Variants in RND3 observed in about 807,000 individuals in gnomAD.
RND3 encodes Rho family GTPase 3, also known as rho-related GTP-binding protein RhoE.
Under a neutral mutation model 26.5 loss-of-function variants are expected in RND3, and 8 were observed. The ratio of observed to expected loss-of-function variants is 0.30; its 90% CI spans 0.18 to 0.54. RND3 has a LOEUF of 0.54. RND3 is among the 20% of genes least tolerant of loss of function. RND3 has a pLI of 0.94. For missense variants in RND3, 207 were observed against 302.8 expected (o/e 0.68, Z 2.35); for synonymous variants, 113 against 113.0 (o/e 1.00, Z 0.00).
chr2:150,483,355 G>T (rs769435608), intron 3 of RND3, among the ~76,000 whole-genome samples: 1 of 152,086 alleles, frequency 6.6e-6, no homozygotes, highest in South Asian at 2.1e-4. Flanking sequence ...TGTTCATCCC[G>T]TATCTCTCCC....
intron 3 of RND3, among the ~76,000 whole-genome samples, chr2:150,476,841 C>G (rs746356392): frequency 1.3e-5 from 2 of 152,148 alleles, no homozygotes; most frequent in Non-Finnish European, 2.9e-5. Context: ...GCATCAGAAA[C>G]GAGATGGTTG....
chr2:150,479,509 C>A (rs539776683), intron 3 of RND3, among the ~76,000 whole-genome samples: 1 of 152,164 alleles, frequency 6.6e-6, no homozygotes, highest in African/African-American at 2.4e-5. Context: ...GCTTCCCTTT[C>A]CCCCTTAAGA....
In RND3 at chr2:150,487,512, G is replaced by T. The variant is rs1419788635; in HGVS notation, c.-39+37C>A. The T allele has an allele frequency of 2.0e-5, 6 of 307,308 alleles. No homozygotes were observed. The East Asian group carries it at 4.9e-4, about 25-fold the overall frequency. The allele number at this position is 307,308 out of a possible 1,614,324, so 19.0% of individuals were successfully genotyped here. Reference sequence around the variant, plus strand: ...ATATATATTTCTCTCTTTATAAAAAGCAGATATAAAAATAAATCACAAGGC... The same window carrying T: ...ATATATATTTCTCTCTTTATAAAAATCAGATATAAAAATAAATCACAAGGC... On this transcript the variant is annotated intron_variant, in intron 1 of 5. Coordinates refer to ENST00000263895, the MANE Select transcript of RND3 (RefSeq NM_005168.5).
chr2:150,482,641 G>A (rs953914333), intron 3 of RND3, among the ~76,000 whole-genome samples: 2 of 148,592 alleles, frequency 1.3e-5, no homozygotes, highest in African/African-American at 5.2e-5. Flanking sequence ...TACTTTTGTT[G>A]GGGGGGCTGG....
chr2:150,487,474 A>AAAAAAAAATATATAT lies in RND3; in HGVS notation c.-38-20_-38-19insATATATATTTTTTTT. Reference sequence around the variant, plus strand: ...ATTTTCTCTTAAGAAGAAAAAAAAAAATATATATATATATATATATTTCTC... The same window carrying AAAAAAAAATATATAT: ...ATTTTCTCTTAAGAAGAAAAAAAAAAAAAAAAAATATATATATATATATATATATATATATTTCTC... On this transcript the variant is annotated intron_variant, in intron 1 of 5. Transcript: ENST00000263895. The AAAAAAAAATATATAT allele has an allele frequency of 3.9e-3, 780 of 200,604 alleles. 4 individuals are homozygous for AAAAAAAAATATATAT. The highest frequency in any genetic ancestry group is 5.3e-3 in the Non-Finnish European group (609 of 114,542). 12.4% of individuals were successfully genotyped at this position (200,604 alleles called of 1,614,324 possible).
chr2:150,471,089 A>C (rs532178341), intron 5 of RND3, among the ~76,000 whole-genome samples: 21 of 152,344 alleles, frequency 1.4e-4, no homozygotes, highest in African/African-American at 5.1e-4. Context: ...TTTGCTAATG[A>C]GAAATGGAAG....
At position 150,469,325 on chromosome 2, in the gene RND3, G is replaced by T. The variant is rs761072176; in HGVS notation, c.*662C>A. On this transcript the variant is annotated 3_prime_UTR_variant, in exon 6 of 6. Coordinates refer to ENST00000263895, the MANE Select transcript of RND3 (RefSeq NM_005168.5). ...ATTTTTTTTCCTATTTGATCTATGC[G>T]ATCTTTGTAGTGCTGGTCTACAAAT... 3 of 152,390 alleles carry T rather than the reference G, an allele frequency of 2.0e-5. No individual in the cohort carries two copies. Among genetic ancestry groups the T allele is most frequent in the Admixed American group, 1.3e-4 (2 of 15,268 alleles). 9.4% of individuals were successfully genotyped at this position (152,390 alleles called of 1,614,324 possible). A position where few individuals can be genotyped will look rare whatever the true frequency, so the allele number is the denominator to read the frequency against.
At chr2:150,474,142 C>A (rs1251643453) in intron 4 of RND3, among the ~76,000 whole-genome samples, 2 of 152,160 alleles carry the variant, frequency 1.3e-5, no homozygotes, top group African/African-American at 4.8e-5. Flanking sequence ...CAAGAAACGC[C>A]CCTTCCTCCC....
rs1573951373 is a variant in RND3 at position 150,469,644 on chromosome 2, A to AAAC, written c.*342_*343insGTT. ...TGGAGATCCATGAATAGATTATAAC[A>AAAC]AAAAAAAAAAACCCAAAAATGCAAG... On this transcript the variant is annotated 3_prime_UTR_variant, in exon 6 of 6. Transcript: ENST00000263895. The AAAC allele has an allele frequency of 9.0e-5, 7 of 77,454 alleles. No individual in the cohort carries two copies. In the East Asian group the frequency reaches 1.3e-3, roughly 14 times the overall value. 4.8% of individuals were successfully genotyped at this position (77,454 alleles called of 1,614,324 possible). A position where few individuals can be genotyped will look rare whatever the true frequency, so the allele number is the denominator to read the frequency against.
intron 3 of RND3, among the ~76,000 whole-genome samples, chr2:150,479,999 AAGTC>A (rs1479076819): frequency 5.9e-5 from 9 of 152,230 alleles, no homozygotes; most frequent in African/African-American, 2.2e-4. Context: ...CAAAATTAGA[AAGTC>A]AGACAGGTAG....
rs374621684 is a variant in RND3 at position 150,469,972 on chromosome 2, A to G, written c.*15T>C. ...ACACTAGATTCCTTTGTCTTCATTA[A>G]AGATAATGAAAGATTCACATCACAG... On this transcript the variant is annotated 3_prime_UTR_variant, in exon 6 of 6. Transcript: ENST00000263895. 2 of 1,610,926 alleles carry G rather than the reference A, an allele frequency of 1.2e-6. No individual in the cohort carries two copies. Among genetic ancestry groups the G allele is most frequent in the Non-Finnish European group, 1.7e-6 (2 of 1,177,894 alleles).
At chr2:150,473,243 G>T (rs1340409307) in intron 4 of RND3, among the ~76,000 whole-genome samples, 1 of 152,012 alleles carries the variant, frequency 6.6e-6, no homozygotes, top group Non-Finnish European at 1.5e-5. Context: ...CAAACCGCAG[G>T]GGTTATCATG....
At chr2:150,481,216 G>A (rs2105221546) in intron 3 of RND3, among the ~76,000 whole-genome samples, 1 of 152,278 alleles carries the variant, frequency 6.6e-6, no homozygotes, top group African/African-American at 2.4e-5. Flanking sequence ...GGGAGCCTGG[G>A]CTGCCCTTGT....
At chr2:150,476,359 C>T (rs1233765019) in intron 3 of RND3, among the ~76,000 whole-genome samples, 3 of 152,168 alleles carry the variant, frequency 2.0e-5, no homozygotes, top group Admixed American at 6.5e-5. Context: ...CTAAAAGGCA[C>T]TATAGTCAGG....
chr2:150,482,858 A>T (rs1311366743), intron 3 of RND3, among the ~76,000 whole-genome samples: 1 of 152,106 alleles, frequency 6.6e-6, no homozygotes, highest in African/African-American at 2.4e-5. Context: ...CAAGGACCTG[A>T]CAAAATTAGG....
intron 3 of RND3, among the ~76,000 whole-genome samples, chr2:150,476,463 AC>A (rs772893046): frequency 6.6e-6 from 1 of 152,202 alleles, no homozygotes; most frequent in Non-Finnish European, 1.5e-5. Flanking sequence ...TAGCTCCTTT[AC>A]GATGGAGAGT....
Position 150,487,464 on chromosome 2 carries a change from G to GAAAAAAAA in RND3, c.-38-17_-38-10dup, listed in dbSNP as rs71422244. On this transcript the variant is annotated splice_polypyrimidine_tract_variant and intron_variant, in intron 1 of 5. Transcript: ENST00000263895. ...TGGAACAGGAATTTTCTCTTAAGAA[G>GAAAAAAAA]AAAAAAAAAAATATATATATATATA... 6.9e-6 allele frequency: 2 copies of GAAAAAAAA among 288,336 alleles called. No individual in the cohort carries two copies. Among genetic ancestry groups the GAAAAAAAA allele is most frequent in the African/African-American group, 2.5e-5 (1 of 39,618 alleles). The allele number at this position is 288,336 out of a possible 1,614,324, so 17.9% of individuals were successfully genotyped here.
rs1410915720 is a variant in RND3, at chr2:150,468,618, A to C, written c.*1369T>G. 6 of 152,688 alleles carry C rather than the reference A, an allele frequency of 3.9e-5. No homozygotes were observed. Among genetic ancestry groups the C allele is most frequent in the Non-Finnish European group, 8.8e-5 (6 of 68,050 alleles). The allele number at this position is 152,688 out of a possible 1,614,324, so 9.5% of individuals were successfully genotyped here. On this transcript the variant is annotated 3_prime_UTR_variant, in exon 6 of 6. Transcript: ENST00000263895. ...AAAACGAAGCACTATCATGGGAAAG[A>C]AAGCTCGTTTTCAACAAGCGCCAAC...
chr2:150,477,199 C>T (rs2105219103), intron 3 of RND3, among the ~76,000 whole-genome samples: 1 of 152,140 alleles, frequency 6.6e-6, no homozygotes, highest in African/African-American at 2.4e-5. Flanking sequence ...TAGGAAAAAC[C>T]ACTCTCTCCC....
Sources: gnomAD v4.1 joint callset for allele counts (sites outside exome capture counted in the v4.1 genomes callset) on GRCh38, gnomAD v4.1.1 for gene constraint, MANE v1.5 for transcripts, NCBI Gene and HGNC (gene_info 2026-07-23, HGNC 2026-07-21) for gene names.